Variants in KHDRBS2 observed in about 807,000 individuals in gnomAD.
KHDRBS2 encodes the protein KH RNA binding domain containing, signal transduction associated 2.
A neutral mutation model predicts 44.3 loss-of-function variants in KHDRBS2; 26 were observed. That is an observed-to-expected ratio of 0.59 (90% CI 0.43 to 0.81). The LOEUF (loss-of-function observed/expected upper bound fraction) is 0.81, where lower values mean the gene tolerates loss of function less well. KHDRBS2 is among the 40% of genes least tolerant of loss of function. KHDRBS2 has a pLI of 0.00. For synonymous variants in KHDRBS2, 194 were observed against 151.1 expected, an observed-to-expected ratio of 1.28 and a Z score of -2.08; for missense variants, 476 against 433.1, an observed-to-expected ratio of 1.10 and a Z score of -0.88.
At position 61,792,362 on chromosome 6, in the gene KHDRBS2, C is replaced by A. The variant is rs545699931; in HGVS notation, c.811-59598G>T. Among the ~76,000 whole-genome samples, 6 of 151,382 alleles carry A rather than the reference C, an allele frequency of 4.0e-5. No homozygotes were observed. In the South Asian group the frequency reaches 1.0e-3, roughly 26 times the overall value. Reference sequence around the variant, plus strand: ...TTCCTACATAATCAAATTTATTTATCTTTTTAAAGCATATGTCAATCCTCT... The same window carrying A: ...TTCCTACATAATCAAATTTATTTATATTTTTAAAGCATATGTCAATCCTCT... On this transcript the variant is annotated intron_variant, in intron 6 of 8. Transcript: ENST00000281156.
At chr6:62,103,045 A>T (rs535834946) in intron 2 of KHDRBS2, among the ~76,000 whole-genome samples, 2 of 152,190 alleles carry the variant, frequency 1.3e-5, no homozygotes, top group South Asian at 4.2e-4. Context: ...ATGAGCTCAA[A>T]ATGGAGAAAA....
At chr6:61,993,094 C>G (rs1424321734) in intron 3 of KHDRBS2, among the ~76,000 whole-genome samples, 2 of 152,074 alleles carry the variant, frequency 1.3e-5, no homozygotes, top group Non-Finnish European at 2.9e-5. Flanking sequence ...AATGTTTTCT[C>G]AAAGTCTGCA....
At chr6:61,934,302 G>C (rs1810634979) in intron 4 of KHDRBS2, among the ~76,000 whole-genome samples, 2 of 152,102 alleles carry the variant, frequency 1.3e-5, no homozygotes, top group Admixed American at 1.3e-4. Flanking sequence ...TTTTTGGTTA[G>C]ATGTAATTCC....
chr6:62,015,384 G>A (rs1781030255), intron 3 of KHDRBS2, among the ~76,000 whole-genome samples: 1 of 152,154 alleles, frequency 6.6e-6, no homozygotes, highest in South Asian at 2.1e-4. Flanking sequence ...GGCTTTATAA[G>A]ATGTAAGGGA....
At chr6:61,822,466 T>C (rs1237284859) in intron 6 of KHDRBS2, among the ~76,000 whole-genome samples, 1 of 151,992 alleles carries the variant, frequency 6.6e-6, no homozygotes, top group Non-Finnish European at 1.5e-5. Context: ...TTTTCTATCA[T>C]CTTCATCAGT....
chr6:61,938,273 A>G (rs539366480), intron 4 of KHDRBS2, among the ~76,000 whole-genome samples: 5 of 152,288 alleles, frequency 3.3e-5, no homozygotes, highest in Non-Finnish European at 7.4e-5. Context: ...CAACAACAAC[A>G]ACATAAAAAG....
At chr6:62,220,689 A>G (rs1830759867) in intron 1 of KHDRBS2, among the ~76,000 whole-genome samples, 1 of 151,872 alleles carries the variant, frequency 6.6e-6, no homozygotes, top group Non-Finnish European at 1.5e-5. Flanking sequence ...AAAGAATACC[A>G]TAAGAACATA....
chr6:61,697,507 A>G (rs1383805413), intron 7 of KHDRBS2, among the ~76,000 whole-genome samples: 1 of 152,086 alleles, frequency 6.6e-6, no homozygotes, highest in Non-Finnish European at 1.5e-5. Context: ...TTCCCCTAAA[A>G]CACAAGTATA....
the KHDRBS2 span, among the ~76,000 whole-genome samples, chr6:61,553,992 A>T: frequency 6.6e-6 from 1 of 151,990 alleles, no homozygotes; most frequent in Non-Finnish European, 1.5e-5. Flanking sequence ...TGTGGGTGGA[A>T]TGTTTTGTAG....
chr6:61,709,997 T>C (rs751370671), intron 7 of KHDRBS2, among the ~76,000 whole-genome samples: 1 of 151,718 alleles, frequency 6.6e-6, no homozygotes, highest in Non-Finnish European at 1.5e-5. Flanking sequence ...TTAATAGTGA[T>C]TTATATTCTT....
chr6:61,979,771 T>C lies in KHDRBS2; in HGVS notation c.337-1559A>G, dbSNP rs191940096. The stretch of plus-strand genomic sequence containing the variant: ...TGAATGAAAATACTCTCATGAGGTG[T>C]AGTAAAGATTTCTTTTCTCTTTGGG... On this transcript the variant is annotated intron_variant, in intron 3 of 8. Coordinates refer to ENST00000281156, the MANE Select transcript of KHDRBS2 (RefSeq NM_152688.4). 4.2e-4 allele frequency among the ~76,000 whole-genome samples: 64 copies of C among 152,262 alleles called. 1 individual carries two copies. Among genetic ancestry groups the C allele is most frequent in the Admixed American group, 2.9e-3 (44 of 15,282 alleles).
intron 6 of KHDRBS2, among the ~76,000 whole-genome samples, chr6:61,747,292 A>G (rs1777011915): frequency 6.6e-6 from 1 of 152,218 alleles, no homozygotes. Context: ...CAAAAACAGC[A>G]TAAGAAATCA....
chr6:61,680,229 C>T lies in KHDRBS2; in HGVS notation c.*734G>A, dbSNP rs1202301444. On this transcript the variant is annotated 3_prime_UTR_variant, in exon 9 of 9. Transcript: ENST00000281156. ...ATTTAAAGCTAGAAAACAAGTAATT[C>T]CAAATTTAATTTTTACAAAAGTTTT... The T allele has an allele frequency of 6.6e-6, 1 of 152,168 alleles. No individual in the cohort carries two copies. The highest frequency in any genetic ancestry group is 1.5e-5 in the Non-Finnish European group (1 of 67,890). 9.4% of individuals were successfully genotyped at this position (152,168 alleles called of 1,614,324 possible). A position where few individuals can be genotyped will look rare whatever the true frequency, so the allele number is the denominator to read the frequency against.
At chr6:62,174,256 T>C (rs1383520378) in intron 2 of KHDRBS2, among the ~76,000 whole-genome samples, 3 of 151,722 alleles carry the variant, frequency 2.0e-5, no homozygotes, top group Non-Finnish European at 4.4e-5. Context: ...GTAGCATTTC[T>C]ATACACCAAC....
At chr6:62,028,064 G>A (rs960939209) in intron 3 of KHDRBS2, among the ~76,000 whole-genome samples, 1 of 151,954 alleles carries the variant, frequency 6.6e-6, no homozygotes, top group Non-Finnish European at 1.5e-5. Context: ...CTGTGGGATT[G>A]AGCCCTTAAC....
the KHDRBS2 span, among the ~76,000 whole-genome samples, chr6:61,567,834 A>G: frequency 6.6e-6 from 1 of 151,800 alleles, no homozygotes; most frequent in Non-Finnish European, 1.5e-5. Flanking sequence ...GCCTTAGTAC[A>G]TCCAATACAT....
the KHDRBS2 span, among the ~76,000 whole-genome samples, chr6:61,669,857 G>A: frequency 1.7e-4 from 25 of 150,878 alleles, no homozygotes; most frequent in South Asian, 4.2e-3. Context: ...AATCATCCCC[G>A]CATACACAAA....
intron 3 of KHDRBS2, among the ~76,000 whole-genome samples, chr6:62,000,129 G>A (rs1222691462): frequency 6.6e-6 from 1 of 152,138 alleles, no homozygotes; most frequent in Non-Finnish European, 1.5e-5. Context: ...GTGAGTGTGT[G>A]TGTGTGTGTG....
intron 2 of KHDRBS2, among the ~76,000 whole-genome samples, chr6:62,161,172 T>C (rs1294505547): frequency 6.6e-6 from 1 of 152,048 alleles, no homozygotes; most frequent in Admixed American, 6.6e-5. Context: ...TACTTGTGTC[T>C]TTGGATATAA....
Sources: allele counts gnomAD v4.1 joint callset (sites outside exome capture counted in the v4.1 genomes callset), GRCh38; gene constraint gnomAD v4.1.1; transcripts MANE v1.5; gene names NCBI Gene and HGNC (gene_info 2026-07-23, HGNC 2026-07-21).